The following SSH2 variants were observed in gnomAD, a reference collection of about 807,000 sequenced individuals.
SSH2 encodes the protein protein phosphatase Slingshot homolog 2.
SSH2 carries 37 observed loss-of-function variants against 135.2 expected under a neutral mutation model. That is an observed-to-expected ratio of 0.27 (90% CI 0.21 to 0.36). The LOEUF (loss-of-function observed/expected upper bound fraction) is 0.36. Ranked by LOEUF, SSH2 falls within the 10% of genes least tolerant of loss-of-function variation. The pLI, the probability that SSH2 is intolerant of heterozygous loss-of-function variation, is 1.00. For missense variants in SSH2, 1,408 were observed against 1,765.3 expected (o/e 0.80, Z 3.63); for synonymous variants, 628 against 646.2 (o/e 0.97, Z 0.43).
At chr17:29,815,453 G>T (rs1419490513) in intron 2 of SSH2, among the ~76,000 whole-genome samples, 2 of 152,126 alleles carry the variant, frequency 1.3e-5, no homozygotes, top group African/African-American at 2.4e-5. Flanking sequence ...TAGAGACGGG[G>T]TTTTGCCATG....
At chr17:29,898,442 G>C (rs1328081598) in intron 1 of SSH2, among the ~76,000 whole-genome samples, 1 of 152,082 alleles carries the variant, frequency 6.6e-6, no homozygotes, top group Non-Finnish European at 1.5e-5. Flanking sequence ...AAATGATAAA[G>C]GGGATATCAC....
intron 1 of SSH2, among the ~76,000 whole-genome samples, chr17:29,894,472 C>T (rs888702851): frequency 1.3e-5 from 2 of 152,068 alleles, no homozygotes; most frequent in African/African-American, 4.8e-5. Context: ...TGCACATGCT[C>T]CTGTACACTT....
chr17:29,643,513 G>A (rs559104680), intron 14 of SSH2, among the ~76,000 whole-genome samples: 1 of 151,276 alleles, frequency 6.6e-6, no homozygotes, highest in Admixed American at 6.6e-5. Context: ...CCGGCTTCAT[G>A]CCATTCTGCT....
chr17:29,693,589 G>A (rs2151099676), intron 5 of SSH2, among the ~76,000 whole-genome samples: 1 of 152,210 alleles, frequency 6.6e-6, no homozygotes, highest in East Asian at 1.9e-4. Flanking sequence ...TGGGATTACA[G>A]GCATGAGCCA....
chr17:29,769,757 C>T (rs1012189296), intron 3 of SSH2, among the ~76,000 whole-genome samples: 5 of 152,148 alleles, frequency 3.3e-5, no homozygotes, highest in African/African-American at 7.2e-5. Flanking sequence ...GCTTATCGAA[C>T]GTGTCCAATT....
chr17:29,843,091 C>T (rs1169659906), intron 2 of SSH2, among the ~76,000 whole-genome samples: 1 of 152,094 alleles, frequency 6.6e-6, no homozygotes, highest in East Asian at 1.9e-4. Context: ...AGAGTAAATA[C>T]AAATTATCAG....
chr17:29,653,488 T>G (rs2036658919), intron 12 of SSH2, among the ~76,000 whole-genome samples: 2 of 152,226 alleles, frequency 1.3e-5, no homozygotes. Flanking sequence ...TCTAAATTCA[T>G]ATGTATATAT....
At chr17:29,632,994 T>C in intron 15 of SSH2, 63 bp from the exon 16 acceptor site, 1 of 1,426,742 alleles carries the variant, frequency 7.0e-7, no homozygotes, top group Non-Finnish European at 9.6e-7. Context: ...ATGCTGGATT[T>C]TCTGCTTATT....
chr17:29,705,980 G>A (rs951048563), intron 3 of SSH2, among the ~76,000 whole-genome samples: 3 of 152,156 alleles, frequency 2.0e-5, no homozygotes, highest in East Asian at 1.9e-4. Context: ...AAGAGGGCAA[G>A]GACTTAATTT....
At chr17:29,738,776 A>C (rs550495639) in intron 3 of SSH2, among the ~76,000 whole-genome samples, 2 of 151,756 alleles carry the variant, frequency 1.3e-5, no homozygotes, top group African/African-American at 2.4e-5. Flanking sequence ...GGATGGTCTC[A>C]ATCTACTGAC....
At chr17:29,798,006 T>C (rs1355719495) in intron 2 of SSH2, among the ~76,000 whole-genome samples, 1 of 152,130 alleles carries the variant, frequency 6.6e-6, no homozygotes, top group African/African-American at 2.4e-5. Context: ...TAGTTTCATA[T>C]AAAATTGCCA....
At chr17:29,810,490 C>T (rs1004098533) in intron 2 of SSH2, among the ~76,000 whole-genome samples, 1 of 152,102 alleles carries the variant, frequency 6.6e-6, no homozygotes. Flanking sequence ...GAAAATAGTT[C>T]ATTAATTCAT....
At chr17:29,708,277 G>T (rs2151138782) in intron 3 of SSH2, among the ~76,000 whole-genome samples, 1 of 152,220 alleles carries the variant, frequency 6.6e-6, no homozygotes. Flanking sequence ...ACAAGGAGTT[G>T]TCAATTGTCT....
intron 1 of SSH2, among the ~76,000 whole-genome samples, chr17:29,896,832 T>G (rs2066454484): frequency 6.6e-6 from 1 of 151,964 alleles, no homozygotes; most frequent in East Asian, 1.9e-4. Flanking sequence ...CTTATTTTAG[T>G]AATGAGTAAG....
intron 3 of SSH2, among the ~76,000 whole-genome samples, chr17:29,746,150 T>C (rs1291655297): frequency 6.6e-6 from 1 of 152,166 alleles, no homozygotes; most frequent in Non-Finnish European, 1.5e-5. Flanking sequence ...TTATTTGTTG[T>C]TTGAATCCAT....
chr17:29,744,156 G>T (rs1001688351), intron 3 of SSH2, among the ~76,000 whole-genome samples: 4 of 152,118 alleles, frequency 2.6e-5, no homozygotes, highest in African/African-American at 9.7e-5. Context: ...CCCCTGCTGG[G>T]GTAGGAGGGG....
chr17:29,837,597 G>C (rs867371649), intron 2 of SSH2, among the ~76,000 whole-genome samples: 2 of 152,242 alleles, frequency 1.3e-5, no homozygotes, highest in Non-Finnish European at 2.9e-5. Context: ...ACCCTCGCAC[G>C]GCTGGTCAGG....
intron 1 of SSH2, among the ~76,000 whole-genome samples, chr17:29,891,422 C>T (rs1181974159): frequency 6.6e-6 from 1 of 151,842 alleles, no homozygotes; most frequent in Non-Finnish European, 1.5e-5. Context: ...ATTTAGCCTT[C>T]ACTTCTAAAT....
intron 3 of SSH2, among the ~76,000 whole-genome samples, chr17:29,771,279 T>C (rs965313299): frequency 5.3e-5 from 8 of 152,276 alleles, no homozygotes; most frequent in African/African-American, 1.7e-4. Flanking sequence ...ATATAACTTA[T>C]CTCTCTACTG....
Sources: gnomAD v4.1 joint callset for allele counts (sites outside exome capture counted in the v4.1 genomes callset) on GRCh38, gnomAD v4.1.1 for gene constraint, MANE v1.5 for transcripts, NCBI Gene and HGNC (gene_info 2026-07-23, HGNC 2026-07-21) for gene names.